Variants in COMMD1 observed in about 807,000 individuals in gnomAD.
COMMD1 encodes COMM domain-containing protein 1.
COMMD1 carries 10 observed loss-of-function variants against 17.2 expected under a neutral mutation model. The ratio of observed to expected loss-of-function variants is 0.58; its 90% confidence interval spans 0.36 to 0.99. The LOEUF (loss-of-function observed/expected upper bound fraction) is 0.99. Ranked by LOEUF, COMMD1 falls within the 50% of genes least tolerant of loss-of-function variation. The pLI, the probability that COMMD1 is intolerant of heterozygous loss-of-function variation, is 0.01. For synonymous variants in COMMD1, 97 were observed against 91.6 expected (o/e 1.06, Z -0.34); for missense variants, 270 against 231.8 (o/e 1.17, Z -1.07).
intron 1 of COMMD1, among the ~76,000 whole-genome samples, chr2:61,975,909 T>A (rs1345203102): frequency 6.6e-6 from 1 of 152,176 alleles, no homozygotes; most frequent in Non-Finnish European, 1.5e-5. Flanking sequence ...TGGTCGTTGT[T>A]CCATGTGAGT....
intron 2 of COMMD1, among the ~76,000 whole-genome samples, chr2:62,073,190 C>G (rs1671246069): frequency 6.6e-6 from 1 of 152,204 alleles, no homozygotes; most frequent in South Asian, 2.1e-4. Flanking sequence ...AATGGCCCTG[C>G]AAAGCCATCT....
intron 1 of COMMD1, among the ~76,000 whole-genome samples, chr2:61,966,689 T>C (rs1219286819): frequency 6.6e-6 from 1 of 152,076 alleles, no homozygotes; most frequent in African/African-American, 2.4e-5. Context: ...TGAAGTTGCC[T>C]ATCTACTCCA....
At chr2:62,064,319 A>T (rs1372083946) in intron 2 of COMMD1, among the ~76,000 whole-genome samples, 2 of 151,956 alleles carry the variant, frequency 1.3e-5, no homozygotes, top group African/African-American at 4.8e-5. Context: ...GATTACAGGT[A>T]TGTGCCACAA....
chr2:62,029,474 T>A (rs1669855261), intron 2 of COMMD1, among the ~76,000 whole-genome samples: 2 of 152,188 alleles, frequency 1.3e-5, no homozygotes, highest in South Asian at 4.1e-4. Context: ...TATATTCCTA[T>A]TACCCAGCTT....
chr2:62,043,431 TTTG>T (rs929334875), intron 2 of COMMD1, among the ~76,000 whole-genome samples: 7 of 152,270 alleles, frequency 4.6e-5, no homozygotes, highest in Non-Finnish European at 7.4e-5. Context: ...TCTTTAAATT[TTTG>T]TTGTTGTTGT....
intron 2 of COMMD1, among the ~76,000 whole-genome samples, chr2:62,091,062 A>C (rs1444056560): frequency 6.6e-6 from 1 of 152,184 alleles, no homozygotes; most frequent in African/African-American, 2.4e-5. Context: ...AGAACTGAGG[A>C]TTGTAGGCCA....
intron 2 of COMMD1, among the ~76,000 whole-genome samples, chr2:62,078,890 A>G (rs1225719526): frequency 6.6e-6 from 1 of 151,970 alleles, no homozygotes; most frequent in African/African-American, 2.4e-5. Context: ...AAAAAAAAAA[A>G]AAAAGAATTG....
At chr2:62,068,182 C>T (rs752896712) in intron 2 of COMMD1, among the ~76,000 whole-genome samples, 13 of 152,010 alleles carry the variant, frequency 8.6e-5, no homozygotes, top group African/African-American at 1.2e-4. Flanking sequence ...GATGATTCCA[C>T]GAGGAAAGGA....
intron 2 of COMMD1, among the ~76,000 whole-genome samples, chr2:62,005,509 C>A (rs529474149): frequency 1.3e-4 from 20 of 152,290 alleles, no homozygotes; most frequent in African/African-American, 4.1e-4. Flanking sequence ...AAGAAAAAAA[C>A]AACCCCATCA....
chr2:61,950,778 C>T (rs573844758), intron 1 of COMMD1, among the ~76,000 whole-genome samples: 21 of 152,238 alleles, frequency 1.4e-4, no homozygotes, highest in African/African-American at 4.3e-4. Context: ...CGTGGATACC[C>T]AGAACAAAGG....
intron 2 of COMMD1, among the ~76,000 whole-genome samples, chr2:62,016,689 A>G (rs1669459519): frequency 6.6e-6 from 1 of 152,050 alleles, no homozygotes; most frequent in Non-Finnish European, 1.5e-5. Flanking sequence ...TCCAGATCAT[A>G]TCCTTTGATG....
intron 1 of COMMD1, among the ~76,000 whole-genome samples, chr2:61,920,965 G>GTGTA (rs1553367992): frequency 3.1e-5 from 4 of 127,940 alleles, no homozygotes; most frequent in African/African-American, 1.2e-4. Flanking sequence ...ATATATGTGT[G>GTGTA]TATATATATA....
At chr2:62,120,656 C>A (rs1672717510) in intron 2 of COMMD1, among the ~76,000 whole-genome samples, 1 of 152,170 alleles carries the variant, frequency 6.6e-6, no homozygotes, top group South Asian at 2.1e-4. Context: ...AGCCAGAACA[C>A]CTAAAAATAA....
At chr2:61,988,108 C>T (rs1672152485) in intron 1 of COMMD1, among the ~76,000 whole-genome samples, 1 of 152,120 alleles carries the variant, frequency 6.6e-6, no homozygotes, top group South Asian at 2.1e-4. Context: ...CATCTAAGAG[C>T]CAAGGCCTGA....
intron 1 of COMMD1, among the ~76,000 whole-genome samples, chr2:61,919,102 C>G (rs1304381830): frequency 2.0e-5 from 3 of 151,142 alleles, no homozygotes; most frequent in Non-Finnish European, 4.4e-5. Flanking sequence ...GACTCTGCCT[C>G]TCAGGTTTAA....
chr2:62,047,959 A>G (rs1235924044), intron 2 of COMMD1, among the ~76,000 whole-genome samples: 1 of 152,148 alleles, frequency 6.6e-6, no homozygotes, highest in African/African-American at 2.4e-5. Context: ...CATGTAGCTT[A>G]GGTGTATAGT....
intron 2 of COMMD1, among the ~76,000 whole-genome samples, chr2:62,033,777 C>A (rs1056041230): frequency 6.6e-6 from 1 of 151,952 alleles, no homozygotes; most frequent in Non-Finnish European, 1.5e-5. Context: ...GACTGCCCAC[C>A]TTGTCCTCTA....
At chr2:62,002,781 GGGAGGT>G (rs1191632587) in intron 2 of COMMD1, among the ~76,000 whole-genome samples, 4 of 151,754 alleles carry the variant, frequency 2.6e-5, no homozygotes, top group African/African-American at 9.7e-5. Flanking sequence ...GCTTCATCCT[GGGAGGT>G]GGAGGTTGCA....
chr2:62,022,440 C>T (rs1218083300), intron 2 of COMMD1, among the ~76,000 whole-genome samples: 6 of 144,760 alleles, frequency 4.1e-5, no homozygotes, highest in East Asian at 2.0e-4. Context: ...TATTATTTAC[C>T]GGCGCTTCTT....
Sources: allele counts gnomAD v4.1 joint callset (sites outside exome capture counted in the v4.1 genomes callset), GRCh38; gene constraint gnomAD v4.1.1; transcripts MANE v1.5; gene names NCBI Gene and HGNC (gene_info 2026-07-23, HGNC 2026-07-21).